The following PTPRD variants were observed in gnomAD, a reference collection of about 807,000 sequenced individuals.
PTPRD encodes receptor-type tyrosine-protein phosphatase delta.
In PTPRD, 34 loss-of-function variants were observed where a neutral mutation model predicts 214.5. The observed-to-expected ratio is 0.16, with a 90% CI of 0.12 to 0.21. The LOEUF (loss-of-function observed/expected upper bound fraction) is 0.21. PTPRD is among the 10% of genes least tolerant of loss of function. PTPRD has a pLI of 1.00. For missense variants in PTPRD, 2,545 were observed against 2,398.7 expected (o/e 1.06, Z -1.27); for synonymous variants, 1,128 against 845.7 (o/e 1.33, Z -5.79).
intron 2 of PTPRD, among the ~76,000 whole-genome samples, chr9:10,380,669 A>G (rs764707603): frequency 9.2e-5 from 14 of 152,052 alleles, no homozygotes; most frequent in Non-Finnish European, 1.5e-4. Flanking sequence ...TCTGAAGTCC[A>G]CGGAACAAAA....
intron 10 of PTPRD, among the ~76,000 whole-genome samples, chr9:9,025,237 T>TC (rs2099583042): frequency 6.6e-6 from 1 of 152,030 alleles, no homozygotes; most frequent in Admixed American, 6.6e-5. Context: ...TGACATTTTT[T>TC]CTAAAGAGGG....
chr9:10,127,159 C>G (rs111622166), intron 3 of PTPRD, among the ~76,000 whole-genome samples: 2 of 151,200 alleles, frequency 1.3e-5, no homozygotes, highest in Admixed American at 1.3e-4. Context: ...CAACTATATC[C>G]TGAGCCCCAT....
chr9:9,487,149 T>C (rs2095676387), intron 8 of PTPRD, among the ~76,000 whole-genome samples: 1 of 152,172 alleles, frequency 6.6e-6, no homozygotes, highest in Non-Finnish European at 1.5e-5. Flanking sequence ...CATGTTGGTG[T>C]GCTGCACCCA....
chr9:10,267,588 A>C (rs1357790855), intron 3 of PTPRD, among the ~76,000 whole-genome samples: 1 of 152,224 alleles, frequency 6.6e-6, no homozygotes, highest in East Asian at 1.9e-4. Context: ...CATTTTAAGA[A>C]TAACTAGAGT....
At chr9:8,440,902 A>G (rs1410358179) in intron 34 of PTPRD, among the ~76,000 whole-genome samples, 1 of 152,196 alleles carries the variant, frequency 6.6e-6, no homozygotes, top group Non-Finnish European at 1.5e-5. Context: ...AGAGGACTCA[A>G]ATCCAGAAAA....
intron 2 of PTPRD, among the ~76,000 whole-genome samples, chr9:10,402,740 A>T (rs1013781879): frequency 5.3e-5 from 8 of 151,708 alleles, no homozygotes; most frequent in African/African-American, 1.9e-4. Flanking sequence ...GACAGATTTC[A>T]ATCTATGTTA....
intron 3 of PTPRD, among the ~76,000 whole-genome samples, chr9:10,215,413 A>G (rs1303822084): frequency 6.6e-6 from 1 of 152,148 alleles, no homozygotes; most frequent in Non-Finnish European, 1.5e-5. Flanking sequence ...AGAGCTATTC[A>G]GTATTCTTAG....
At chr9:8,686,033 T>C (rs2154376892) in intron 12 of PTPRD, among the ~76,000 whole-genome samples, 1 of 152,318 alleles carries the variant, frequency 6.6e-6, no homozygotes, top group East Asian at 1.9e-4. Context: ...CTCATCTGAA[T>C]GCTAAGGGAC....
chr9:10,107,769 T>G (rs2098649204), intron 3 of PTPRD, among the ~76,000 whole-genome samples: 1 of 152,130 alleles, frequency 6.6e-6, no homozygotes, highest in Non-Finnish European at 1.5e-5. Context: ...TGGGAAAAGA[T>G]AGACATTAGA....
At chr9:8,739,026 C>T (rs2091221281) in intron 11 of PTPRD, among the ~76,000 whole-genome samples, 1 of 152,218 alleles carries the variant, frequency 6.6e-6, no homozygotes. Flanking sequence ...TGTAAATCAG[C>T]TGAATGTGGC....
intron 2 of PTPRD, among the ~76,000 whole-genome samples, chr9:10,541,461 T>C (rs1383213740): frequency 6.6e-6 from 1 of 152,122 alleles, no homozygotes; most frequent in Admixed American, 6.5e-5. Flanking sequence ...GCATTTTCAA[T>C]TGTCTGTTGA....
At chr9:9,465,440 G>C (rs1044642841) in intron 8 of PTPRD, among the ~76,000 whole-genome samples, 3 of 152,196 alleles carry the variant, frequency 2.0e-5, no homozygotes, top group African/African-American at 7.2e-5. Context: ...GTTTGAGTCA[G>C]AGGAGTCCAT....
chr9:9,839,748 A>G (rs973107463), intron 5 of PTPRD, among the ~76,000 whole-genome samples: 1 of 152,174 alleles, frequency 6.6e-6, no homozygotes, highest in African/African-American at 2.4e-5. Context: ...TCGCCAAGTC[A>G]GTCCTAAGCT....
chr9:9,588,069 A>G (rs754994267), intron 7 of PTPRD, among the ~76,000 whole-genome samples: 1 of 152,026 alleles, frequency 6.6e-6, no homozygotes. Flanking sequence ...TGACTTGATC[A>G]TAACACATTC....
rs562549984 is a variant in PTPRD, at chr9:10,055,368, G to T, written c.-544-21578C>A. Among the ~76,000 whole-genome samples, 2 of 152,120 alleles carry T rather than the reference G, an allele frequency of 1.3e-5. 1 individual carries two copies. The highest frequency in any genetic ancestry group is 4.1e-4 in the South Asian group (2 of 4,828). Reference sequence around the variant, plus strand: ...TAGTTACTATCCATTGAATACTTACGAATAGGAGACATTTTCCATATACTC... The same window carrying T: ...TAGTTACTATCCATTGAATACTTACTAATAGGAGACATTTTCCATATACTC... On this transcript the variant is annotated intron_variant, in intron 3 of 45. Transcript: ENST00000381196.
At chr9:10,610,504 ATTAAG>A (rs148354964) in intron 2 of PTPRD, among the ~76,000 whole-genome samples, 15,347 of 149,556 alleles carry the variant, frequency 0.1, 947 homozygotes, top group East Asian at 0.21. Flanking sequence ...TTTTTCAATA[ATTAAG>A]TTTTTTTTTT....
At chr9:9,840,108 G>T (rs1380867674) in intron 5 of PTPRD, among the ~76,000 whole-genome samples, 1 of 152,016 alleles carries the variant, frequency 6.6e-6, no homozygotes, top group Non-Finnish European at 1.5e-5. Flanking sequence ...TGTGATCTCA[G>T]CTCACTGCAA....
intron 4 of PTPRD, among the ~76,000 whole-genome samples, chr9:9,942,944 A>G (rs78246825): frequency 0.039 from 5,803 of 148,856 alleles, 133 homozygotes; most frequent in Non-Finnish European, 0.056. Context: ...TTGCAATCCC[A>G]TATATGAAAA....
chr9:10,361,526 C>T (rs925695496), intron 2 of PTPRD, among the ~76,000 whole-genome samples: 7 of 152,040 alleles, frequency 4.6e-5, no homozygotes, highest in African/African-American at 1.7e-4. Context: ...CAATCCCTGA[C>T]CACAAGTAGC....
Sources: gnomAD v4.1 joint callset for allele counts (sites outside exome capture counted in the v4.1 genomes callset) on GRCh38, gnomAD v4.1.1 for gene constraint, MANE v1.5 for transcripts, NCBI Gene and HGNC (gene_info 2026-07-23, HGNC 2026-07-21) for gene names.